Variants in GSN observed in about 807,000 individuals in gnomAD.
GSN encodes the protein gelsolin, also known as actin-depolymerizing factor.
A neutral mutation model predicts 85.7 loss-of-function variants in GSN; 56 were observed. The observed-to-expected ratio is 0.65, with a 90% CI of 0.53 to 0.82. GSN has a LOEUF of 0.82. GSN is among the 40% of genes least tolerant of loss of function. The pLI is 0.00. For missense variants in GSN, 857 were observed against 979.8 expected (o/e 0.87, Z 1.67); for synonymous variants, 373 against 399.1 (o/e 0.93, Z 0.78).
intron 2 of GSN, among the ~76,000 whole-genome samples, chr9:121,296,575 A>G (rs544206534): frequency 3.9e-5 from 6 of 152,160 alleles, no homozygotes; most frequent in Non-Finnish European, 5.9e-5. Context: ...TGTATTTTGC[A>G]TATGAAGACA....
At chr9:121,250,394 C>T (rs989355619) in intron 6 of GSN, among the ~76,000 whole-genome samples, 3 of 151,918 alleles carry the variant, frequency 2.0e-5, no homozygotes, top group Admixed American at 6.6e-5. Flanking sequence ...TTAGTAGAGA[C>T]GGGGTTTCAC....
In GSN at chr9:121,301,988, C is replaced by A. The variant is rs745577813; in HGVS notation, c.17C>A (p.Pro6His). The A allele has an allele frequency of 1.2e-6, 2 of 1,614,176 alleles. No individual in the cohort carries two copies. The highest frequency in any genetic ancestry group is 1.3e-5 in the African/African-American group (1 of 75,056). The change falls in exon 3 of 18, where the codon CCC (proline) becomes CAC (histidine). Residue 6 changes from proline (P) to histidine (H), a missense_variant. Coordinates refer to ENST00000432226, the MANE Select transcript of GSN (RefSeq NM_198252.3). ...CCCAACAGCATGGTGGTGGAACACC[C>A]CGAGTTCCTCAAGGCAGGGAAGGAG... MVVEH[P>H]EFLKAGKEPG...
chr9:121,332,421 C>T lies in GSN; in HGVS notation c.2027-13C>T, dbSNP rs1251463219. The T allele has an allele frequency of 6.2e-6, 10 of 1,613,134 alleles. No homozygotes were observed. Among genetic ancestry groups the T allele is most frequent in the South Asian group, 1.1e-5 (1 of 91,066 alleles). On this transcript the variant is annotated splice_polypyrimidine_tract_variant and intron_variant, in intron 17 of 17. Coordinates refer to ENST00000432226, the MANE Select transcript of GSN (RefSeq NM_198252.3). The surrounding 1 kb of genome is among the most constrained non-coding windows in gnomAD (Gnocchi z 4.8). ...ATTCCTGGGGTTTCCTTTTCTTGCA[C>T]GTGTGTCTGCAGCTAAGCGGTACAT...
rs188846096 is a variant in GSN at position 121,287,901 on chromosome 9, C to T, written c.-10+6339C>T. Among the ~76,000 whole-genome samples the T allele has an allele frequency of 1.6e-3, 237 of 152,212 alleles. 1 individual carries two copies. The highest frequency in any genetic ancestry group is 5.2e-3 in the African/African-American group (217 of 41,540). On this transcript the variant is annotated intron_variant, in intron 2 of 17. Coordinates refer to ENST00000432226, the MANE Select transcript of GSN (RefSeq NM_198252.3). The stretch of plus-strand genomic sequence containing the variant: ...GCTTGCTTACGTCCATCTCTATGCA[C>T]ACCCCATAGCTGACCACGCATCTGC...
At chr9:121,295,801 A>G (rs1254980176) in intron 2 of GSN, among the ~76,000 whole-genome samples, 2 of 152,232 alleles carry the variant, frequency 1.3e-5, no homozygotes, top group East Asian at 3.8e-4. Context: ...ATCCAGGAAT[A>G]GCCGAGATCA....
chr9:121,321,277 A>G lies in GSN; in HGVS notation c.1201A>G (p.Ile401Val), dbSNP rs1167869287. 10 of 1,614,036 alleles carry G rather than the reference A, an allele frequency of 6.2e-6. No homozygotes were observed. The highest frequency in any genetic ancestry group is 8.5e-6 in the Non-Finnish European group (10 of 1,180,022). Residue 401 changes from isoleucine (I) to valine (V), a missense_variant, in exon 11 of 18, where the codon ATC (isoleucine) becomes GTC (valine). Transcript: ENST00000432226. The part of the protein sequence containing the change: ...DGTGQKQIWR[I>V]EGSNKVPVDP... ...AGCTTTGCTCCTGCAGATCTGGAGA[A>G]TCGAAGGTTCCAACAAGGTGCCCGT...
At chr9:121,314,365 A>G (rs2061491847) in intron 7 of GSN, among the ~76,000 whole-genome samples, 1 of 152,216 alleles carries the variant, frequency 6.6e-6, no homozygotes, top group Non-Finnish European at 1.5e-5. Flanking sequence ...CTTAGAAAAT[A>G]CTTGGGGAAA....
chr9:121,221,616 A>G (rs775132944), intron 4 of GSN, among the ~76,000 whole-genome samples: 1 of 152,210 alleles, frequency 6.6e-6, no homozygotes. Flanking sequence ...CGAGTGCTAG[A>G]GTGACCCCAA....
At chr9:121,218,843 A>C (rs1413505268) in intron 4 of GSN, among the ~76,000 whole-genome samples, 1 of 152,196 alleles carries the variant, frequency 6.6e-6, no homozygotes, top group Non-Finnish European at 1.5e-5. Context: ...CCCTTCCTTC[A>C]TGGCCTCCCC....
rs182003304 is a variant in GSN at position 121,298,472 on chromosome 9, C to T, written c.-9-3491C>T. ...GTGGGTGGGAGAGGGCAAACTTCAGCCTCATTAGATAGAGGCTGGACTTCC... is the reference window on the plus strand; with the variant it reads ...GTGGGTGGGAGAGGGCAAACTTCAGTCTCATTAGATAGAGGCTGGACTTCC... On this transcript the variant is annotated intron_variant, in intron 2 of 17. Coordinates refer to ENST00000432226, the MANE Select transcript of GSN (RefSeq NM_198252.3). Among the ~76,000 whole-genome samples, 391 of 152,292 alleles carry T rather than the reference C, an allele frequency of 2.6e-3. 2 individuals carry two copies. The highest frequency in any genetic ancestry group is 8.7e-3 in the African/African-American group (360 of 41,550).
chr9:121,207,374 C>T (rs1295166459), upstream of GSN, among the ~76,000 whole-genome samples: 1 of 152,128 alleles, frequency 6.6e-6, no homozygotes, highest in African/African-American at 2.4e-5. Context: ...TGAAGGGGTA[C>T]CAGCACACAC....
intron 4 of GSN, chr9:121,308,932 T>C (rs1490112220): frequency 6.6e-6 from 1 of 152,256 alleles, no homozygotes; most frequent in Non-Finnish European, 1.5e-5. Context: ...GTTTGTCCCT[T>C]GCCCTCCTCG....
At chr9:121,271,919 G>C (rs2056035031) in intron 1 of GSN, among the ~76,000 whole-genome samples, 1 of 152,214 alleles carries the variant, frequency 6.6e-6, no homozygotes, top group Admixed American at 6.5e-5. Flanking sequence ...TTATGCTCTG[G>C]AAATCTATCT....
Position 121,328,979 on chromosome 9 carries a change from C to T in GSN, c.1851C>T (p.Arg617=), listed in dbSNP as rs773392371. The part of the protein sequence containing the change: ...KDKKMDAHPP[R]LFACSNKIGR... ...AGAAGATGGATGCCCATCCTCCTCGCCTCTTTGCCTGCTCCAACAAGATTG... is the reference window on the plus strand; with the variant it reads ...AGAAGATGGATGCCCATCCTCCTCGTCTCTTTGCCTGCTCCAACAAGATTG... Residue 617 remains arginine, a synonymous_variant, in exon 15 of 18, where the codon CGC becomes CGT. Coordinates refer to ENST00000432226, the MANE Select transcript of GSN (RefSeq NM_198252.3). 6.2e-7 allele frequency: 1 copy of T among 1,614,030 alleles called. No individual in the cohort carries two copies. Among genetic ancestry groups the T allele is most frequent in the Admixed American group, 1.7e-5 (1 of 60,028 alleles).
intron 5 of GSN, among the ~76,000 whole-genome samples, chr9:121,241,973 C>A (rs1271473920): frequency 1.3e-5 from 2 of 152,202 alleles, no homozygotes; most frequent in African/African-American, 4.8e-5. Context: ...TGGGTCTCTA[C>A]AGATCTTGGT....
At chr9:121,286,732 T>A in intron 2 of GSN, 1 of 1,535,470 alleles carries the variant, frequency 6.5e-7, no homozygotes, top group Non-Finnish European at 8.7e-7. Flanking sequence ...ACCTGTCTGA[T>A]GAGAGCTGAT....
intron 4 of GSN, among the ~76,000 whole-genome samples, chr9:121,304,518 A>G (rs1208808305): frequency 6.6e-6 from 1 of 152,248 alleles, no homozygotes; most frequent in Non-Finnish European, 1.5e-5. Context: ...TCAGGTTGGA[A>G]GGCTACCTTC....
At chr9:121,230,774 C>T (rs566019590) in intron 4 of GSN, among the ~76,000 whole-genome samples, 9 of 152,188 alleles carry the variant, frequency 5.9e-5, no homozygotes, top group African/African-American at 1.4e-4. Flanking sequence ...CCATCAGTGC[C>T]GTTGCTATTA....
intron 2 of GSN, chr9:121,286,577 G>A (rs939278373): frequency 6.8e-7 from 1 of 1,475,496 alleles, no homozygotes; most frequent in South Asian, 1.4e-5. Context: ...TTGGGCCATG[G>A]GTGCTCCCTC....
Sources: allele counts gnomAD v4.1 joint callset (sites outside exome capture counted in the v4.1 genomes callset), GRCh38; gene constraint gnomAD v4.1.1; non-coding constraint Gnocchi (gnomAD v3.1); transcripts MANE v1.5; gene names NCBI Gene and HGNC (gene_info 2026-07-23, HGNC 2026-07-21).